The following CEP128 variants were observed in gnomAD, a reference collection of about 807,000 sequenced individuals.
The protein encoded by CEP128 is centrosomal protein 128.
A neutral mutation model predicts 156.7 loss-of-function variants in CEP128; 132 were observed. That is an observed-to-expected ratio of 0.84 (90% CI 0.73 to 0.97). CEP128 has a LOEUF of 0.97. Among genes scored for constraint, CEP128 ranks in the 50% least tolerant of loss-of-function variants. The pLI is 0.00. For synonymous variants in CEP128, 469 were observed against 448.9 expected (o/e 1.04, Z -0.57); for missense variants, 1,252 against 1,281.9 (o/e 0.98, Z 0.36).
chr14:80,496,796 C>T lies in CEP128; in HGVS notation c.*683G>A, dbSNP rs115970124. The T allele has an allele frequency of 8.0e-4, 121 of 152,144 alleles. No homozygotes were observed. The highest frequency in any genetic ancestry group is 2.8e-3 in the African/African-American group (118 of 41,512). The allele number at this position is 152,144 out of a possible 1,614,324, so 9.4% of individuals were successfully genotyped here. On this transcript the variant is annotated 3_prime_UTR_variant, in exon 25 of 25. Transcript: ENST00000555265. ...GTGATCACAGTAGGATATTTGGCCACAAAAAGACAAATAAATAAATTGTGC... is the reference window on the plus strand; with the variant it reads ...GTGATCACAGTAGGATATTTGGCCATAAAAAGACAAATAAATAAATTGTGC...
intron 19 of CEP128, among the ~76,000 whole-genome samples, chr14:80,679,947 T>C (rs561140319): frequency 8.5e-5 from 13 of 152,226 alleles, no homozygotes; most frequent in African/African-American, 2.6e-4. Flanking sequence ...TTAGGGAAAA[T>C]AGAAAGAACC....
chr14:80,696,002 G>A (rs1896881413), intron 19 of CEP128, among the ~76,000 whole-genome samples: 1 of 152,054 alleles, frequency 6.6e-6, no homozygotes, highest in African/African-American at 2.4e-5. Flanking sequence ...CAGTAAGACT[G>A]GAAACAAGAA....
chr14:80,650,421 C>T (rs1894851440), intron 19 of CEP128, among the ~76,000 whole-genome samples: 1 of 152,030 alleles, frequency 6.6e-6, no homozygotes, highest in African/African-American at 2.4e-5. Context: ...TTTCTCTTGC[C>T]GGATTACCGT....
chr14:80,855,281 G>T (rs1010840732), intron 9 of CEP128, among the ~76,000 whole-genome samples: 4 of 152,012 alleles, frequency 2.6e-5, no homozygotes, highest in Non-Finnish European at 5.9e-5. Flanking sequence ...CCTGTCCAAG[G>T]ACTCAATTCT....
At chr14:80,534,824 C>CAAA (rs371773612) in intron 21 of CEP128, among the ~76,000 whole-genome samples, 23,652 of 59,802 alleles carry the variant, frequency 0.4, 3,741 homozygotes, top group Non-Finnish European at 0.43. Flanking sequence ...GATTCCGTCT[C>CAAA]AAAAAAAAAA....
At chr14:80,863,889 A>G (rs1887641049) in intron 8 of CEP128, among the ~76,000 whole-genome samples, 1 of 152,208 alleles carries the variant, frequency 6.6e-6, no homozygotes, top group Non-Finnish European at 1.5e-5. Context: ...TAGCTCAATC[A>G]AGTTTTAAAA....
intron 13 of CEP128, among the ~76,000 whole-genome samples, chr14:80,823,992 G>T (rs1472241353): frequency 6.6e-6 from 1 of 152,234 alleles, no homozygotes; most frequent in Non-Finnish European, 1.5e-5. Flanking sequence ...CCAGGCATTT[G>T]CATACATCCT....
chr14:80,855,149 C>A (rs1316036877), intron 9 of CEP128, among the ~76,000 whole-genome samples: 1 of 152,134 alleles, frequency 6.6e-6, no homozygotes, highest in African/African-American at 2.4e-5. Flanking sequence ...CATTTTCCAA[C>A]AAAGTAGTAC....
chr14:80,948,105 T>C (rs1197386576), intron 2 of CEP128, among the ~76,000 whole-genome samples: 1 of 152,168 alleles, frequency 6.6e-6, no homozygotes, highest in Admixed American at 6.5e-5. Context: ...CTTGATTAGG[T>C]GGGACTAAAT....
intron 2 of CEP128, among the ~76,000 whole-genome samples, chr14:80,952,059 A>G (rs1388650068): frequency 1.3e-5 from 2 of 152,152 alleles, no homozygotes; most frequent in African/African-American, 2.4e-5. Context: ...CCCCAATTGT[A>G]GTAAAAAATT....
chr14:80,498,073 TC>T (rs1484424571), intron 24 of CEP128, among the ~76,000 whole-genome samples: 1 of 152,192 alleles, frequency 6.6e-6, no homozygotes, highest in Non-Finnish European at 1.5e-5. Flanking sequence ...AAATCTTCTC[TC>T]CTTATCTCTA....
At chr14:80,528,414 G>A (rs1024247456) in intron 22 of CEP128, among the ~76,000 whole-genome samples, 3 of 152,188 alleles carry the variant, frequency 2.0e-5, no homozygotes, top group African/African-American at 7.2e-5. Flanking sequence ...CCAGCCTCCT[G>A]AGTATCTGGG....
At chr14:80,512,985 C>T (rs1460506824) in intron 23 of CEP128, among the ~76,000 whole-genome samples, 1 of 152,082 alleles carries the variant, frequency 6.6e-6, no homozygotes, top group Non-Finnish European at 1.5e-5. Context: ...AGTCTTTCTA[C>T]TGAAGGTATG....
intron 19 of CEP128, among the ~76,000 whole-genome samples, chr14:80,593,991 C>A (rs961040703): frequency 1.3e-5 from 2 of 152,148 alleles, no homozygotes; most frequent in Non-Finnish European, 2.9e-5. Flanking sequence ...CATATGGAAC[C>A]AAAATATAAC....
At chr14:80,782,579 T>C (rs867466669) in intron 15 of CEP128, among the ~76,000 whole-genome samples, 1 of 152,160 alleles carries the variant, frequency 6.6e-6, no homozygotes, top group Non-Finnish European at 1.5e-5. Context: ...AGAAAGGCTA[T>C]CAGTCAAGAT....
At chr14:80,784,812 T>C in intron 15 of CEP128, 83 bp downstream of exon 15, 2 of 1,135,152 alleles carry the variant, frequency 1.8e-6, no homozygotes, top group Admixed American at 2.3e-5. Flanking sequence ...TACAGAATGA[T>C]CTCTAAAAGT....
chr14:80,715,080 G>A (rs553365492), intron 19 of CEP128, among the ~76,000 whole-genome samples: 2 of 152,128 alleles, frequency 1.3e-5, no homozygotes, highest in African/African-American at 4.8e-5. Context: ...AAAATTAGCT[G>A]GGAGTGGTGG....
At chr14:80,578,494 C>A (rs1393469427) in intron 20 of CEP128, among the ~76,000 whole-genome samples, 1 of 152,100 alleles carries the variant, frequency 6.6e-6, no homozygotes, top group Non-Finnish European at 1.5e-5. Flanking sequence ...ATTTAGCTCT[C>A]CCTTCTGGGA....
Position 80,678,049 on chromosome 14 carries a change from A to ATATAT in CEP128, c.2806+65025_2806+65026insATATA, listed in dbSNP as rs1555390206. Among the ~76,000 whole-genome samples, 285 of 98,034 alleles carry ATATAT rather than the reference A, an allele frequency of 2.9e-3. 3 individuals carry two copies. The highest frequency in any genetic ancestry group is 4.5e-3 in the Non-Finnish European group (174 of 38,364). 64.3% of individuals were successfully genotyped at this position (98,034 alleles called of 152,430 possible). A position where few individuals can be genotyped will look rare whatever the true frequency, so the allele number is the denominator to read the frequency against. On this transcript the variant is annotated intron_variant, in intron 19 of 24. Coordinates refer to ENST00000555265, the MANE Select transcript of CEP128 (RefSeq NM_152446.5). ...ATGGACAGTTGCTCTATAAAAAAAAAATATATATATATATGTATATATATA... is the reference window on the plus strand; with the variant it reads ...ATGGACAGTTGCTCTATAAAAAAAAATATATATATATATATATATGTATATATATA...
Sources: allele counts gnomAD v4.1 joint callset (sites outside exome capture counted in the v4.1 genomes callset), GRCh38; gene constraint gnomAD v4.1.1; transcripts MANE v1.5; gene names NCBI Gene and HGNC (gene_info 2026-07-23, HGNC 2026-07-21).